CCDC73: variants seen among roughly 807,000 people sequenced by gnomAD.
CCDC73 encodes coiled-coil domain-containing protein 73.
CCDC73 carries 95 observed loss-of-function variants against 116.5 expected under a neutral mutation model. That is an observed-to-expected ratio of 0.82 (90% CI 0.69 to 0.97). The LOEUF (loss-of-function observed/expected upper bound fraction) is 0.97, where lower values mean the gene tolerates loss of function less well. Among genes scored for constraint, CCDC73 ranks in the 50% least tolerant of loss-of-function variants. CCDC73 has a pLI of 0.00. For synonymous variants in CCDC73, 398 were observed against 401.3 expected (o/e 0.99, Z 0.10); for missense variants, 1,066 against 1,206.8 (o/e 0.88, Z 1.73).
In CCDC73 at chr11:32,653,987, T is replaced by C. The variant is rs1258957974; in HGVS notation, c.825A>G (p.Glu275=). 3 of 1,599,660 alleles carry C rather than the reference T, an allele frequency of 1.9e-6. No individual in the cohort carries two copies. In the South Asian group the frequency reaches 3.4e-5, roughly 18 times the overall value. Residue 275 remains glutamate, a synonymous_variant, in exon 11 of 18, where the codon GAA becomes GAG. Coordinates refer to ENST00000335185, the MANE Select transcript of CCDC73 (RefSeq NM_001008391.4). The part of the protein sequence containing the change: ...KINEEITHIQ[E]EKQDIIISFQ... ...GCTTATGATTGCTTACCTGTTTTTC[T>C]TCTTGAATATGGGTAATCTCTTCAT...
intron 12 of CCDC73, among the ~76,000 whole-genome samples, chr11:32,646,428 C>T (rs1269374406): frequency 2.6e-5 from 4 of 152,094 alleles, no homozygotes; most frequent in Non-Finnish European, 4.4e-5. Flanking sequence ...TTTTGAGACC[C>T]TATATGTCTG....
intron 11 of CCDC73, among the ~76,000 whole-genome samples, chr11:32,653,614 G>A (rs2133261776): frequency 6.6e-6 from 1 of 151,982 alleles, no homozygotes; most frequent in African/African-American, 2.4e-5. Flanking sequence ...GTCAAATGGA[G>A]GAAAAGCAGA....
chr11:32,699,195 C>T, intron 6 of CCDC73, 56 bp downstream of exon 6: 1 of 1,487,490 alleles, frequency 6.7e-7, no homozygotes, highest in Non-Finnish European at 9.0e-7. Context: ...AGGCATTTTA[C>T]TGATATAATG....
intron 6 of CCDC73, among the ~76,000 whole-genome samples, chr11:32,685,955 C>T (rs192626840): frequency 1.6e-3 from 249 of 151,726 alleles, no homozygotes; most frequent in African/African-American, 5.8e-3. Flanking sequence ...CTCTTGACCT[C>T]GTGATCTGCC....
At chr11:32,608,023 G>GCC (rs59425986) in intron 17 of CCDC73, among the ~76,000 whole-genome samples, 1 of 151,542 alleles carries the variant, frequency 6.6e-6, no homozygotes, top group Non-Finnish European at 1.5e-5. Context: ...GGAAAGACCG[G>GCC]CCCCCCCCAC....
the CCDC73 span, among the ~76,000 whole-genome samples, chr11:32,816,084 A>G: frequency 2.0e-5 from 3 of 152,164 alleles, no homozygotes; most frequent in Admixed American, 6.5e-5. Flanking sequence ...TGGTACTGCC[A>G]TTTTCTGAGT....
the CCDC73 span, among the ~76,000 whole-genome samples, chr11:32,828,840 T>A: frequency 6.6e-6 from 1 of 152,248 alleles, no homozygotes; most frequent in Non-Finnish European, 1.5e-5. Flanking sequence ...AAATATTATT[T>A]GAAATCAAGA....
intron 14 of CCDC73, among the ~76,000 whole-genome samples, chr11:32,618,662 C>T (rs1855495776): frequency 1.3e-5 from 2 of 152,174 alleles, no homozygotes; most frequent in Admixed American, 1.3e-4. Flanking sequence ...AAGCAATTCT[C>T]CTGCCTCAGC....
At chr11:32,681,094 T>C (rs1856138895) in intron 7 of CCDC73, 1 of 152,014 alleles carries the variant, frequency 6.6e-6, no homozygotes. Context: ...ATCAAAACTT[T>C]CAATATTGAA....
intron 9 of CCDC73, among the ~76,000 whole-genome samples, chr11:32,662,594 G>C (rs1241670818): frequency 1.3e-5 from 2 of 151,442 alleles, no homozygotes; most frequent in Non-Finnish European, 2.9e-5. Context: ...TTAGCCCTTT[G>C]TCAGATGAGT....
intron 17 of CCDC73, among the ~76,000 whole-genome samples, chr11:32,606,415 A>G (rs910231105): frequency 1.3e-5 from 2 of 152,218 alleles, no homozygotes; most frequent in African/African-American, 2.4e-5. Context: ...ATGCAAAGGA[A>G]TGGGTGTGAC....
Position 32,653,913 on chromosome 11 carries a change from A to AT in CCDC73, c.834+64dup, listed in dbSNP as rs553423795. The AT allele has an allele frequency of 1.7e-4, 255 of 1,541,870 alleles. No homozygotes were observed. The Admixed American group carries it at 4.9e-3, about 30-fold the overall frequency. ...CTATGTGCTATGCATGATTCCACTT[A>AT]TTTTTTACATTTTATCTGATTTTTA... On this transcript the variant is annotated intron_variant, in intron 11 of 17. Transcript: ENST00000335185.
intron 16 of CCDC73, 100 bp from the exon 17 acceptor site, chr11:32,611,365 G>T: frequency 9.9e-7 from 1 of 1,007,736 alleles, no homozygotes; most frequent in Non-Finnish European, 1.4e-6. Context: ...TATTTAAAAA[G>T]CAACAAATTT....
intron 1 of CCDC73, among the ~76,000 whole-genome samples, chr11:32,792,493 T>A (rs1204698388): frequency 2.6e-5 from 4 of 152,200 alleles, no homozygotes; most frequent in Non-Finnish European, 5.9e-5. Context: ...AGTCCTTAAA[T>A]GAATTCCAAG....
intron 1 of CCDC73, among the ~76,000 whole-genome samples, chr11:32,780,739 A>G (rs990803625): frequency 3.9e-5 from 6 of 152,200 alleles, no homozygotes; most frequent in Non-Finnish European, 5.9e-5. Flanking sequence ...AACACTTCAT[A>G]TTTAGTTCTC....
chr11:32,680,070 G>A (rs1217248009), intron 7 of CCDC73: 1 of 152,110 alleles, frequency 6.6e-6, no homozygotes, highest in Non-Finnish European at 1.5e-5. Context: ...CAGCATATTA[G>A]CCCATATATG....
At chr11:32,625,167 G>A (rs1365805344) in intron 14 of CCDC73, among the ~76,000 whole-genome samples, 1 of 152,130 alleles carries the variant, frequency 6.6e-6, no homozygotes, top group Non-Finnish European at 1.5e-5. Flanking sequence ...TTGAGCCTAT[G>A]TGTGTCTCTG....
At chr11:32,643,435 G>C (rs1466763792) in intron 12 of CCDC73, among the ~76,000 whole-genome samples, 1 of 152,006 alleles carries the variant, frequency 6.6e-6, no homozygotes, top group Non-Finnish European at 1.5e-5. Context: ...TTTTGTCACT[G>C]TATGAACATC....
Position 32,735,489 on chromosome 11 carries a change from A to G in CCDC73, c.136-17342T>C, listed in dbSNP as rs546922331. 1.1e-3 allele frequency among the ~76,000 whole-genome samples: 165 copies of G among 152,340 alleles called. 1 individual carries two copies. Among genetic ancestry groups the G allele is most frequent in the South Asian group, 8.3e-3 (40 of 4,826 alleles). On this transcript the variant is annotated intron_variant, in intron 2 of 17. Transcript: ENST00000335185. ...GTGAAGGAACTCTTCAAGAAGAACT[A>G]CAAACCACTGCTCAACAAAATACAA...
Sources: gnomAD v4.1 joint callset for allele counts (sites outside exome capture counted in the v4.1 genomes callset) on GRCh38, gnomAD v4.1.1 for gene constraint, MANE v1.5 for transcripts, NCBI Gene and HGNC (gene_info 2026-07-23, HGNC 2026-07-21) for gene names.